Variants in INPP5F observed in about 807,000 individuals in gnomAD.
INPP5F encodes inositol polyphosphate-5-phosphatase F.
In INPP5F, 97 loss-of-function variants were observed where a neutral mutation model predicts 137.2. That is an observed-to-expected ratio of 0.71 (90% CI 0.60 to 0.84). The LOEUF (loss-of-function observed/expected upper bound fraction) is 0.84. Ranked by LOEUF, INPP5F falls within the 40% of genes least tolerant of loss-of-function variation. The pLI is 0.00. For synonymous variants in INPP5F, 504 were observed against 476.9 expected (o/e 1.06, Z -0.74); for missense variants, 1,271 against 1,371.9 (o/e 0.93, Z 1.16).
chr10:119,789,514 T>C (rs113980162), intron 3 of INPP5F, among the ~76,000 whole-genome samples: 1,939 of 151,950 alleles, frequency 0.013, 60 homozygotes, highest in African/African-American at 0.045. Context: ...AATGTGTTCA[T>C]GGGAGAAGGG....
At chr10:119,749,964 T>A (rs1042681042) in intron 1 of INPP5F, among the ~76,000 whole-genome samples, 12 of 151,998 alleles carry the variant, frequency 7.9e-5, no homozygotes, top group African/African-American at 2.7e-4. Context: ...GAGATGAGGT[T>A]TCACCATGTG....
chr10:119,827,459 G>A lies in INPP5F; in HGVS notation c.3078G>A (p.Leu1026=). 6.2e-7 allele frequency: 1 copy of A among 1,614,190 alleles called. No individual in the cohort carries two copies. The highest frequency in any genetic ancestry group is 8.5e-7 in the Non-Finnish European group (1 of 1,180,042). ...TTTCTGCAACAGGCCCACAGTTTTT[G>A]TCAGTTGAGCCAGCGCATTCAGTTG... The part of the protein sequence containing the change: ...VSLSATGPQF[L]SVEPAHSVAS... The change falls in exon 20 of 20, where the codon TTG becomes TTA. Residue 1026 remains leucine (L), a synonymous_variant. Transcript: ENST00000650623.
Position 119,802,025 on chromosome 10 carries a change from AC to A in INPP5F, c.1117-2147del, listed in dbSNP as rs1431820458. Among the ~76,000 whole-genome samples the A allele has an allele frequency of 1.2e-3, 186 of 152,198 alleles. 3 individuals are homozygous for A. Among genetic ancestry groups the A allele is most frequent in the Admixed American group, 0.011 (172 of 15,272 alleles). On this transcript the variant is annotated intron_variant, in intron 9 of 19. Coordinates refer to ENST00000650623, the MANE Select transcript of INPP5F (RefSeq NM_014937.4). ...GGGCGTTGGGCCCACAGTCGGTCTG[AC>A]TCAGCCATGGTGGTCCCATTGCTGT...
chr10:119,821,833 T>C (rs1225807572), intron 16 of INPP5F, among the ~76,000 whole-genome samples: 1 of 150,628 alleles, frequency 6.6e-6, no homozygotes, highest in East Asian at 2.0e-4. Flanking sequence ...TGAGTTTTTA[T>C]AAAACTTAAA....
At chr10:119,734,919 G>A (rs924001196) in intron 1 of INPP5F, among the ~76,000 whole-genome samples, 4 of 152,138 alleles carry the variant, frequency 2.6e-5, no homozygotes, top group African/African-American at 9.7e-5. Flanking sequence ...TTATGTGTCA[G>A]CTGCCCATAA....
chr10:119,745,538 A>G (rs1424685971), intron 1 of INPP5F, among the ~76,000 whole-genome samples: 7 of 151,898 alleles, frequency 4.6e-5, no homozygotes, highest in Non-Finnish European at 8.8e-5. Flanking sequence ...ATGTAGAAGT[A>G]TCTCTTACAA....
chr10:119,768,638 G>A (rs1354295865), intron 2 of INPP5F: 1 of 152,208 alleles, frequency 6.6e-6, no homozygotes, highest in Non-Finnish European at 1.5e-5. Context: ...TCAGGCTGAT[G>A]GGTGCTCTCT....
chr10:119,755,798 C>T (rs928535504), intron 2 of INPP5F, among the ~76,000 whole-genome samples: 2 of 152,196 alleles, frequency 1.3e-5, no homozygotes, highest in Admixed American at 6.5e-5. Flanking sequence ...AGACAAAGCT[C>T]ATGGTTCCTT....
At chr10:119,753,807 T>G (rs917505288) in intron 2 of INPP5F, among the ~76,000 whole-genome samples, 1 of 152,232 alleles carries the variant, frequency 6.6e-6, no homozygotes, top group Non-Finnish European at 1.5e-5. Context: ...ATCAAGGCTC[T>G]TTGGTTGCAA....
At chr10:119,804,374 T>A in intron 10 of INPP5F, 77 bp downstream of exon 10, 1 of 1,187,340 alleles carries the variant, frequency 8.4e-7, no homozygotes, top group Non-Finnish European at 1.1e-6. Context: ...CCTTAGTTTC[T>A]CTTCTTTGCT....
In INPP5F at chr10:119,826,942, A is replaced by G; in HGVS notation, c.2561A>G (p.Asp854Gly). 18 of 1,613,428 alleles carry G rather than the reference A, an allele frequency of 1.1e-5. No individual in the cohort carries two copies. The highest frequency in any genetic ancestry group is 1.5e-5 in the Non-Finnish European group (18 of 1,179,282). ...QAESDGDMSS[D>G]NDSYHSDEFL... The stretch of plus-strand genomic sequence containing the variant: ...GAGTCTGATGGGGACATGTCTTCAG[A>G]TAATGACTCATACCACTCTGATGAA... The change falls in exon 20 of 20, where the codon GAT becomes GGT. Residue 854 changes from aspartate to glycine, a missense_variant. This residue lies in a region of INPP5F where 490 missense variants were observed against 443.7 expected (regional missense o/e 1.10). Coordinates refer to ENST00000650623, the MANE Select transcript of INPP5F (RefSeq NM_014937.4).
chr10:119,726,687 A>G (rs1041080801), intron 1 of INPP5F, among the ~76,000 whole-genome samples: 4 of 152,166 alleles, frequency 2.6e-5, no homozygotes, highest in Non-Finnish European at 4.4e-5. Context: ...AGCAAGGTGC[A>G]CCTGGCCGTA....
rs548820119 is a variant in INPP5F, at chr10:119,787,973, T to A, written c.316-3544T>A. Reference sequence around the variant, plus strand: ...CTCCTGTGTGCCATGCCAGTAGCATTTCCATGAAGAAATACTGGTCTGGGC... The same window carrying A: ...CTCCTGTGTGCCATGCCAGTAGCATATCCATGAAGAAATACTGGTCTGGGC... On this transcript the variant is annotated intron_variant, in intron 3 of 19. Transcript: ENST00000650623. This position sits in a 1 kb window ranked among gnomAD's most constrained non-coding sequence, Gnocchi z 4.1. Among the ~76,000 whole-genome samples, 235 of 152,256 alleles carry A rather than the reference T, an allele frequency of 1.5e-3. No individual in the cohort carries two copies. The highest frequency in any genetic ancestry group is 2.5e-3 in the Non-Finnish European group (173 of 68,002).
chr10:119,732,777 C>A (rs4751754), intron 1 of INPP5F, among the ~76,000 whole-genome samples: 76,955 of 151,978 alleles, frequency 0.51, 20,084 homozygotes, highest in East Asian at 0.68. Flanking sequence ...GCTGGCATTA[C>A]AGGCGTGAGC....
intron 2 of INPP5F, among the ~76,000 whole-genome samples, chr10:119,773,744 T>TGCTG (rs1215523565): frequency 1.5e-4 from 23 of 152,252 alleles, no homozygotes; most frequent in South Asian, 6.2e-4. Flanking sequence ...CTGTCCCCCA[T>TGCTG]GCTGGAGTAC....
chr10:119,823,275 C>A, intron 18 of INPP5F, 76 bp downstream of exon 18: 1 of 1,366,098 alleles, frequency 7.3e-7, no homozygotes, highest in Non-Finnish European at 1.0e-6. Flanking sequence ...GAATTGGGGA[C>A]ATTTCATATC....
intron 18 of INPP5F, 79 bp downstream of exon 18, chr10:119,823,278 T>G: frequency 7.2e-7 from 1 of 1,386,238 alleles, no homozygotes; most frequent in Admixed American, 2.0e-5. Flanking sequence ...TTGGGGACAT[T>G]TCATATCATA....
chr10:119,749,480 T>G (rs996459421), intron 1 of INPP5F, among the ~76,000 whole-genome samples: 1 of 152,210 alleles, frequency 6.6e-6, no homozygotes, highest in Non-Finnish European at 1.5e-5. Flanking sequence ...GTGATGATTT[T>G]TTTTCTTTGA....
chr10:119,807,185 A>T (rs769988369), intron 12 of INPP5F, among the ~76,000 whole-genome samples: 1 of 152,136 alleles, frequency 6.6e-6, no homozygotes, highest in Non-Finnish European at 1.5e-5. Context: ...AGGCATGAAA[A>T]TCACTTGAAC....
Sources: allele counts gnomAD v4.1 joint callset (sites outside exome capture counted in the v4.1 genomes callset), GRCh38; gene constraint gnomAD v4.1.1; regional missense constraint gnomAD v4.1.1; non-coding constraint Gnocchi (gnomAD v3.1); transcripts MANE v1.5; gene names NCBI Gene and HGNC (gene_info 2026-07-23, HGNC 2026-07-21).